The following CCDC186 variants were observed in gnomAD, a reference collection of about 807,000 sequenced individuals.
The protein encoded by CCDC186 is coiled-coil domain containing 186, also known as coiled-coil domain-containing protein 186.
A neutral mutation model predicts 113.7 loss-of-function variants in CCDC186; 49 were observed. The ratio of observed to expected loss-of-function variants is 0.43; its 90% CI spans 0.34 to 0.55. The LOEUF is 0.55. CCDC186 is among the 20% of genes least tolerant of loss of function. The probability of loss-of-function intolerance (pLI) is 0.02; values close to 1 mark genes in which losing one functional copy is unlikely to be tolerated. For missense variants in CCDC186, 890 were observed against 1,011.1 expected (o/e 0.88, Z 1.62); for synonymous variants, 355 against 345.8 (o/e 1.03, Z -0.30).
chr10:114,125,576 A>G (rs1006129280), intron 15 of CCDC186, among the ~76,000 whole-genome samples: 3 of 152,244 alleles, frequency 2.0e-5, no homozygotes, highest in African/African-American at 7.2e-5. Context: ...GCTGAAAAAT[A>G]AATCAGAAAT....
At position 114,123,077 on chromosome 10, in the gene CCDC186, T is replaced by C. The variant is rs1477565003; in HGVS notation, c.*2066A>G. 1 of 152,596 alleles carries C rather than the reference T, an allele frequency of 6.6e-6. No homozygotes were observed. Among genetic ancestry groups the C allele is most frequent in the Non-Finnish European group, 1.5e-5 (1 of 68,012 alleles). 9.5% of individuals were successfully genotyped at this position (152,596 alleles called of 1,614,324 possible). A position where few individuals can be genotyped will look rare whatever the true frequency, so the allele number is the denominator to read the frequency against. ...TGCCTTGGGGAAAAAAATCCAAATA[T>C]TGTAGTTTATGAACCTGTATCATAA... On this transcript the variant is annotated 3_prime_UTR_variant, in exon 16 of 16. Transcript: ENST00000369287.
chr10:114,127,716 A>G lies in CCDC186; in HGVS notation c.2183-45T>C, dbSNP rs373795055. ...GTTTAGATACTGTGCTTAATCTAACATCACCTCTCATCTCATATATTACTT... is the reference window on the plus strand; with the variant it reads ...GTTTAGATACTGTGCTTAATCTAACGTCACCTCTCATCTCATATATTACTT... On this transcript the variant is annotated intron_variant, in intron 13 of 15. Transcript: ENST00000369287. The G allele has an allele frequency of 2.0e-4, 280 of 1,412,280 alleles. 1 individual carries two copies. The highest frequency in any genetic ancestry group is 2.6e-4 in the Non-Finnish European group (266 of 1,010,262). The allele number at this position is 1,412,280 out of a possible 1,614,324, so 87.5% of individuals were successfully genotyped here. A position where few individuals can be genotyped will look rare whatever the true frequency, so the allele number is the denominator to read the frequency against.
At chr10:114,135,427 T>C (rs754658792) in intron 9 of CCDC186, among the ~76,000 whole-genome samples, 3 of 152,182 alleles carry the variant, frequency 2.0e-5, no homozygotes, top group Non-Finnish European at 2.9e-5. Context: ...ATGATACACA[T>C]TCATATTCAT....
chr10:114,127,339 T>C, intron 14 of CCDC186, 122 bp downstream of exon 14: 2 of 895,882 alleles, frequency 2.2e-6, no homozygotes, highest in Non-Finnish European at 3.3e-6. Flanking sequence ...GACTGGGAAC[T>C]GAATAACTAT....
chr10:114,127,012 G>A (rs946857302), intron 14 of CCDC186, among the ~76,000 whole-genome samples: 8 of 151,966 alleles, frequency 5.3e-5, no homozygotes, highest in Admixed American at 2.0e-4. Flanking sequence ...GAGAACTCAC[G>A]CACTGAGTGG....
chr10:114,127,162 C>T (rs151173611), intron 14 of CCDC186, among the ~76,000 whole-genome samples: 1 of 152,240 alleles, frequency 6.6e-6, no homozygotes, highest in East Asian at 1.9e-4. Flanking sequence ...GAGCCACAGT[C>T]ATGAAAATAA....
chr10:114,134,825 G>T, intron 10 of CCDC186, 88 bp downstream of exon 10: 2 of 1,443,048 alleles, frequency 1.4e-6, no homozygotes, highest in Non-Finnish European at 9.3e-7. Context: ...AAAATTTTTT[G>T]TTTAATGCAA....
chr10:114,151,336 G>T, intron 3 of CCDC186, 116 bp from the exon 4 acceptor site: 2 of 802,968 alleles, frequency 2.5e-6, no homozygotes, highest in Non-Finnish European at 3.7e-6. Context: ...ATATACTTCA[G>T]CTATTGAAAT....
rs2031211290 is a variant in CCDC186, at chr10:114,135,032, T to C, written c.1536A>G (p.Arg512=). Residue 512 remains arginine, a synonymous_variant, in exon 10 of 16, where the codon CGA becomes CGG. Coordinates refer to ENST00000369287, the MANE Select transcript of CCDC186 (RefSeq NM_018017.4). The stretch of plus-strand genomic sequence containing the variant: ...TTGATAATTCATCTTCTGTTCTTAA[T>C]CGTTCATCTTCTAGACATTTCACCT... ...RTKVKCLEDE[R]LRTEDELSKY... 1 of 1,609,292 alleles carries C rather than the reference T, an allele frequency of 6.2e-7. No homozygotes were observed. Among genetic ancestry groups the C allele is most frequent in the South Asian group, 1.1e-5 (1 of 89,940 alleles).
intron 13 of CCDC186, 126 bp from the exon 14 acceptor site, chr10:114,127,797 C>T: frequency 2.3e-6 from 2 of 862,992 alleles, no homozygotes; most frequent in Middle Eastern, 2.6e-4. Context: ...GAAGACAACA[C>T]AGGTCAACGT....
Position 114,126,019 on chromosome 10 carries a change from C to A in CCDC186, c.2480G>T (p.Arg827Leu). The A allele has an allele frequency of 6.2e-7, 1 of 1,613,970 alleles. No individual in the cohort carries two copies. Among genetic ancestry groups the A allele is most frequent in the Non-Finnish European group, 8.5e-7 (1 of 1,179,930 alleles). Residue 827 changes from arginine (R) to leucine (L), a missense_variant, in exon 15 of 16, where the codon CGG (arginine) becomes CTG (leucine). By Grantham distance (102) the Arg-to-Leu change is moderately radical. Transcript: ENST00000369287. Reference sequence around the variant, plus strand: ...ATATAAAGATGCCATGATGCCACCCCGTCTACTTAAATGAACTTTGTTAAA... The same window carrying A: ...ATATAAAGATGCCATGATGCCACCCAGTCTACTTAAATGAACTTTGTTAAA... ...SDFNKVHLSR[R>L]GGIMASLYTS...
At chr10:114,149,936 T>C (rs963292046) in intron 4 of CCDC186, among the ~76,000 whole-genome samples, 1 of 152,114 alleles carries the variant, frequency 6.6e-6, no homozygotes, top group Non-Finnish European at 1.5e-5. Context: ...CTAAAACCAG[T>C]TACTTCTTAA....
Position 114,122,071 on chromosome 10 carries a change from C to CA in CCDC186, c.*3071dup, listed in dbSNP as rs1335193007. 4.6e-5 allele frequency: 7 copies of CA among 152,360 alleles called. No individual in the cohort carries two copies. Among genetic ancestry groups the CA allele is most frequent in the African/African-American group, 1.7e-4 (7 of 41,414 alleles). The allele number at this position is 152,360 out of a possible 1,614,324, so 9.4% of individuals were successfully genotyped here. On this transcript the variant is annotated 3_prime_UTR_variant, in exon 16 of 16. Transcript: ENST00000369287. The stretch of plus-strand genomic sequence containing the variant: ...AAACAATCCTCCCACCTCAGCCTCC[C>CA]AAAGTGCTGGGATTACAGGGGTGAG...
chr10:114,150,687 C>A (rs2031827542), intron 4 of CCDC186, among the ~76,000 whole-genome samples: 1 of 151,940 alleles, frequency 6.6e-6, no homozygotes, highest in African/African-American at 2.4e-5. Context: ...CTTGCTTTGT[C>A]ACCCAGGCTG....
At chr10:114,149,786 C>CAGGAAGGCAGGAAGGA (rs1564912975) in intron 4 of CCDC186, among the ~76,000 whole-genome samples, 1 of 48,128 alleles carries the variant, frequency 2.1e-5, no homozygotes, top group Non-Finnish European at 4.1e-5. Flanking sequence ...GGCAGGAAGG[C>CAGGAAGGCAGGAAGGA]AGGAAGGAAG....
chr10:114,148,729 A>G (rs1419434737), intron 4 of CCDC186, among the ~76,000 whole-genome samples: 1 of 152,244 alleles, frequency 6.6e-6, no homozygotes, highest in Admixed American at 6.5e-5. Context: ...CTGCTCTGTG[A>G]TACTTATTAA....
In CCDC186 at chr10:114,174,117, G is replaced by A. The variant is rs75407574; in HGVS notation, c.-164C>T. On this transcript the variant is annotated 5_prime_UTR_variant, in exon 1 of 16. Transcript: ENST00000369287. ...GGGTCCAACCAGCCAAGAGTGGGAGGAAAAGACCGCGGTGAGAAACACAGC... is the reference window on the plus strand; with the variant it reads ...GGGTCCAACCAGCCAAGAGTGGGAGAAAAAGACCGCGGTGAGAAACACAGC... 1.6e-3 allele frequency: 737 copies of A among 472,200 alleles called. 8 individuals carry two copies. The highest frequency in any genetic ancestry group is 0.013 in the African/African-American group (656 of 50,204). 29.3% of individuals were successfully genotyped at this position (472,200 alleles called of 1,614,324 possible).
At chr10:114,166,875 ATCC>A (rs1326750933) in intron 1 of CCDC186, among the ~76,000 whole-genome samples, 1 of 152,226 alleles carries the variant, frequency 6.6e-6, no homozygotes, top group Non-Finnish European at 1.5e-5. Flanking sequence ...TGTTTTACAT[ATCC>A]TCCTCCTGTA....
At chr10:114,173,961 C>T in intron 1 of CCDC186, 54 bp downstream of exon 1, 2 of 461,566 alleles carry the variant, frequency 4.3e-6, no homozygotes, top group Non-Finnish European at 8.9e-6. Context: ...GGCAGCCCCA[C>T]CGCACCGCCA....
Sources: gnomAD v4.1 joint callset for allele counts (sites outside exome capture counted in the v4.1 genomes callset) on GRCh38, gnomAD v4.1.1 for gene constraint, MANE v1.5 for transcripts, NCBI Gene and HGNC (gene_info 2026-07-23, HGNC 2026-07-21) for gene names.